The following MBNL1 variants were observed in gnomAD, a reference collection of about 807,000 sequenced individuals.
The protein encoded by MBNL1 is muscleblind-like protein 1.
Under a neutral mutation model 42.2 loss-of-function variants are expected in MBNL1, and 8 were observed. The ratio of observed to expected loss-of-function variants is 0.19; its 90% CI spans 0.11 to 0.34. MBNL1 has a LOEUF of 0.34. MBNL1 is among the 10% of genes least tolerant of loss of function. The pLI is 1.00. For synonymous variants in MBNL1, 169 were observed against 173.9 expected, an observed-to-expected ratio of 0.97 and a Z score of 0.22; for missense variants, 309 against 495.3, an observed-to-expected ratio of 0.62 and a Z score of 3.57.
At chr3:152,377,181 T>G (rs1267254378) in intron 2 of MBNL1, among the ~76,000 whole-genome samples, 1 of 152,226 alleles carries the variant, frequency 6.6e-6, no homozygotes, top group Non-Finnish European at 1.5e-5. Flanking sequence ...TCATTTTTGA[T>G]AAGATGATAT....
chr3:152,394,532 A>G (rs2097850234), intron 2 of MBNL1, among the ~76,000 whole-genome samples: 1 of 152,224 alleles, frequency 6.6e-6, no homozygotes, highest in African/African-American at 2.4e-5. Context: ...AGTGGGGAGT[A>G]ACAGTACTGG....
intron 1 of MBNL1, among the ~76,000 whole-genome samples, chr3:152,295,010 A>G (rs1267338150): frequency 2.0e-5 from 3 of 152,208 alleles, no homozygotes; most frequent in African/African-American, 7.2e-5. Context: ...ACAGTGCCCT[A>G]TATCAAGGGC....
intron 3 of MBNL1, among the ~76,000 whole-genome samples, chr3:152,423,379 A>G (rs1225391764): frequency 6.6e-6 from 1 of 152,244 alleles, no homozygotes; most frequent in African/African-American, 2.4e-5. Flanking sequence ...AGACTCAACC[A>G]GGAAGAAGTC....
At chr3:152,369,125 C>G (rs975289420) in intron 2 of MBNL1, among the ~76,000 whole-genome samples, 2 of 152,114 alleles carry the variant, frequency 1.3e-5, no homozygotes, top group Non-Finnish European at 2.9e-5. Context: ...TTTGCCCACT[C>G]AGTATGATAT....
intron 2 of MBNL1, among the ~76,000 whole-genome samples, chr3:152,323,533 T>C (rs2077625916): frequency 6.6e-6 from 1 of 152,168 alleles, no homozygotes; most frequent in African/African-American, 2.4e-5. Flanking sequence ...ATTTCATTGT[T>C]GTGTGTACAT....
intron 6 of MBNL1, 60 bp downstream of exon 6, chr3:152,447,833 G>A: frequency 1.3e-6 from 2 of 1,508,482 alleles, no homozygotes; most frequent in Non-Finnish European, 9.1e-7. Context: ...CCTACTGTTA[G>A]AGCAGATAAA....
At chr3:152,388,585 AC>A (rs1427854963) in intron 2 of MBNL1, among the ~76,000 whole-genome samples, 2 of 152,106 alleles carry the variant, frequency 1.3e-5, no homozygotes, top group African/African-American at 4.8e-5. Context: ...TCTTACCTTT[AC>A]CTACCTAGGT....
At chr3:152,388,152 C>T (rs113358130) in intron 2 of MBNL1, among the ~76,000 whole-genome samples, 77 of 152,122 alleles carry the variant, frequency 5.1e-4, no homozygotes, top group South Asian at 2.1e-4. Flanking sequence ...TACATGTAAT[C>T]GATTGTTTTT....
intron 6 of MBNL1, among the ~76,000 whole-genome samples, chr3:152,450,250 T>A (rs757887169): frequency 4.6e-5 from 7 of 152,166 alleles, no homozygotes; most frequent in Non-Finnish European, 8.8e-5. Flanking sequence ...TATAAGGGCC[T>A]GAAACAGCAA....
chr3:152,416,942 G>A (rs1349417622), intron 3 of MBNL1, among the ~76,000 whole-genome samples: 1 of 152,158 alleles, frequency 6.6e-6, no homozygotes, highest in Non-Finnish European at 1.5e-5. Flanking sequence ...TATTAGTTGT[G>A]AGCATATTCA....
At chr3:152,337,084 AACCTCTG>A (rs1249725726) in intron 2 of MBNL1, among the ~76,000 whole-genome samples, 1 of 152,198 alleles carries the variant, frequency 6.6e-6, no homozygotes, top group Non-Finnish European at 1.5e-5. Flanking sequence ...GTTTATACTG[AACCTCTG>A]ACTTGATTTT....
chr3:152,248,775 A>T (rs1341778853), intron 2 of MBNL1, among the ~76,000 whole-genome samples: 1 of 106,626 alleles, frequency 9.4e-6, no homozygotes, highest in African/African-American at 3.7e-5. Flanking sequence ...CCCTTCCCCC[A>T]CCCCACAACA....
intron 2 of MBNL1, among the ~76,000 whole-genome samples, chr3:152,383,445 A>G (rs1290702828): frequency 6.6e-6 from 1 of 152,080 alleles, no homozygotes; most frequent in Non-Finnish European, 1.5e-5. Flanking sequence ...TACAGAGCCC[A>G]AGGGTATTCT....
intron 2 of MBNL1, among the ~76,000 whole-genome samples, chr3:152,389,949 C>G (rs1239685345): frequency 6.6e-6 from 1 of 151,978 alleles, no homozygotes; most frequent in Non-Finnish European, 1.5e-5. Flanking sequence ...GATCTCAGCT[C>G]ACTGCAACAT....
At chr3:152,259,677 G>C (rs1035893348) in intron 2 of MBNL1, among the ~76,000 whole-genome samples, 1 of 152,118 alleles carries the variant, frequency 6.6e-6, no homozygotes, top group Non-Finnish European at 1.5e-5. Flanking sequence ...GATTTCTTCC[G>C]ACCCTGCCTT....
At chr3:152,369,214 C>T (rs1226059251) in intron 2 of MBNL1, among the ~76,000 whole-genome samples, 3 of 152,124 alleles carry the variant, frequency 2.0e-5, no homozygotes, top group African/African-American at 7.2e-5. Context: ...GAGATTTTAG[C>T]ATGAAGGGGT....
At chr3:152,338,090 A>G in intron 2 of MBNL1, 1 of 961,624 alleles carries the variant, frequency 1.0e-6, no homozygotes, top group Non-Finnish European at 1.2e-6. Context: ...GGCATGCTAT[A>G]ATATGTATTC....
At chr3:152,447,199 GGTTA>G (rs900705981) in intron 5 of MBNL1, among the ~76,000 whole-genome samples, 3 of 151,914 alleles carry the variant, frequency 2.0e-5, no homozygotes, top group Non-Finnish European at 4.4e-5. Context: ...GAGCAGAGTG[GGTTA>G]GTTTTTATTT....
rs936398921 is a variant in MBNL1, at chr3:152,417,603, T to C, written c.345+2492T>C. On this transcript the variant is annotated intron_variant, in intron 3 of 9. Coordinates refer to ENST00000324210, the MANE Select transcript of MBNL1 (RefSeq NM_021038.5). ...AAGGAGAGAGGGAGACAGCAAGGTC[T>C]AAGCAAACTTGGAAGCATCTAGTAT... 5.9e-5 allele frequency among the ~76,000 whole-genome samples: 9 copies of C among 152,054 alleles called. No individual in the cohort carries two copies. The East Asian group carries it at 1.5e-3, about 26-fold the overall frequency.
Sources: gnomAD v4.1 joint callset for allele counts (sites outside exome capture counted in the v4.1 genomes callset) on GRCh38, gnomAD v4.1.1 for gene constraint, MANE v1.5 for transcripts, NCBI Gene and HGNC (gene_info 2026-07-23, HGNC 2026-07-21) for gene names.